Variants in PDE6C observed in about 807,000 individuals in gnomAD.
PDE6C encodes cone cGMP-specific 3',5'-cyclic phosphodiesterase subunit alpha'.
A neutral mutation model predicts 113.1 loss-of-function variants in PDE6C; 75 were observed. The ratio of observed to expected loss-of-function variants is 0.66; its 90% CI spans 0.55 to 0.80. The LOEUF is 0.80. Among genes scored for constraint, PDE6C ranks in the 30% least tolerant of loss-of-function variants. The pLI, the probability that PDE6C is intolerant of heterozygous loss-of-function variation, is 0.00. For synonymous variants in PDE6C, 375 were observed against 363.7 expected (o/e 1.03, Z -0.35); for missense variants, 912 against 1,038.6 (o/e 0.88, Z 1.67).
intron 4 of PDE6C, among the ~76,000 whole-genome samples, chr10:93,624,712 A>G (rs2058465300): frequency 6.6e-6 from 1 of 152,218 alleles, no homozygotes; most frequent in Non-Finnish European, 1.5e-5. Flanking sequence ...CATCAGACAC[A>G]GCTAAAAGCA....
intron 15 of PDE6C, among the ~76,000 whole-genome samples, chr10:93,646,536 C>T (rs753239409): frequency 9.2e-5 from 14 of 152,060 alleles, no homozygotes; most frequent in African/African-American, 1.2e-4. Flanking sequence ...AATTCACTCC[C>T]GGTTCTGCAG....
At chr10:93,645,243 C>T (rs1285555165) in intron 14 of PDE6C, among the ~76,000 whole-genome samples, 1 of 152,182 alleles carries the variant, frequency 6.6e-6, no homozygotes, top group East Asian at 1.9e-4. Flanking sequence ...TATTCCCCAA[C>T]TAAAGTATTT....
chr10:93,662,637 A>T lies in PDE6C; in HGVS notation c.2361A>T (p.Val787=). 1 of 1,313,182 alleles carries T rather than the reference A, an allele frequency of 7.6e-7. No individual in the cohort carries two copies. Among genetic ancestry groups the T allele is most frequent in the East Asian group, 2.3e-5 (1 of 43,470 alleles). 81.3% of individuals were successfully genotyped at this position (1,313,182 alleles called of 1,614,324 possible). ...TTATTGATTTTGTTTGTACTTTTGTATATAAGGTAAGTAAGCAAATTATTT... is the reference window on the plus strand; with the variant it reads ...TTATTGATTTTGTTTGTACTTTTGTTTATAAGGTAAGTAAGCAAATTATTT... ...VGFIDFVCTF[V]YKEFSRFHKE... Residue 787 remains valine, a synonymous_variant, in exon 20 of 22, where the codon GTA becomes GTT. Transcript: ENST00000371447.
At chr10:93,653,918 A>G (rs1016426883) in intron 15 of PDE6C, among the ~76,000 whole-genome samples, 1 of 152,240 alleles carries the variant, frequency 6.6e-6, no homozygotes, top group Non-Finnish European at 1.5e-5. Context: ...GAAGATTTAT[A>G]TAAGGCATAG....
intron 1 of PDE6C, among the ~76,000 whole-genome samples, chr10:93,616,707 G>A (rs532612985): frequency 6.9e-6 from 1 of 143,994 alleles, no homozygotes; most frequent in South Asian, 2.2e-4. Context: ...AGGCTGGAGT[G>A]CAATGGCTTG....
At chr10:93,648,166 A>G (rs760321981) in intron 15 of PDE6C, among the ~76,000 whole-genome samples, 1 of 152,144 alleles carries the variant, frequency 6.6e-6, no homozygotes, top group Non-Finnish European at 1.5e-5. Flanking sequence ...ACAGTTTTCC[A>G]TCTGAATTTT....
At chr10:93,656,147 A>G (rs2058637206) in intron 16 of PDE6C, among the ~76,000 whole-genome samples, 1 of 152,226 alleles carries the variant, frequency 6.6e-6, no homozygotes, top group Non-Finnish European at 1.5e-5. Flanking sequence ...TGAATTGCAG[A>G]ATGTGCAGCC....
At chr10:93,624,440 G>T (rs1443594234) in intron 4 of PDE6C, among the ~76,000 whole-genome samples, 1 of 152,112 alleles carries the variant, frequency 6.6e-6, no homozygotes, top group African/African-American at 2.4e-5. Context: ...ATTTCGCCAC[G>T]TTGGCCAGAC....
At chr10:93,630,607 A>T (rs917439091) in intron 8 of PDE6C, among the ~76,000 whole-genome samples, 1 of 151,960 alleles carries the variant, frequency 6.6e-6, no homozygotes, top group Non-Finnish European at 1.5e-5. Context: ...TAGAGCCCTG[A>T]TCTCAGTCAC....
At chr10:93,657,328 A>ATTTTTTTTTTTTTTTTTTTTTTT (rs71031526) in intron 16 of PDE6C, among the ~76,000 whole-genome samples, 1 of 88,286 alleles carries the variant, frequency 1.1e-5, no homozygotes, top group Non-Finnish European at 2.0e-5. Context: ...CGCCTGGCTA[A>ATTTTTTTTTTTTTTTTTTTTTTT]TTTTTTTTTT....
chr10:93,630,049 C>T (rs1022127288), intron 8 of PDE6C, among the ~76,000 whole-genome samples: 4 of 152,142 alleles, frequency 2.6e-5, no homozygotes, highest in African/African-American at 9.7e-5. Flanking sequence ...TCCTGCTCTC[C>T]TGGTGGTTTT....
chr10:93,624,872 C>A (rs1032839011), intron 4 of PDE6C, among the ~76,000 whole-genome samples: 1 of 152,156 alleles, frequency 6.6e-6, no homozygotes, highest in Non-Finnish European at 1.5e-5. Context: ...GCTGGTGAGG[C>A]CTCCTCTTAT....
chr10:93,649,125 C>T (rs2058597916), intron 15 of PDE6C, among the ~76,000 whole-genome samples: 2 of 152,222 alleles, frequency 1.3e-5, no homozygotes, highest in East Asian at 1.9e-4. Flanking sequence ...ATTCATAGTT[C>T]TATCGCCATT....
At chr10:93,648,215 A>G (rs1222733352) in intron 15 of PDE6C, among the ~76,000 whole-genome samples, 3 of 152,012 alleles carry the variant, frequency 2.0e-5, no homozygotes, top group African/African-American at 7.2e-5. Flanking sequence ...ACTGGCTTTG[A>G]TGGCTATATA....
intron 16 of PDE6C, among the ~76,000 whole-genome samples, chr10:93,657,228 C>T (rs2058642094): frequency 6.6e-6 from 1 of 151,632 alleles, no homozygotes; most frequent in Non-Finnish European, 1.5e-5. Context: ...GTGGCGCAAT[C>T]TCGGCTCACT....
At position 93,627,258 on chromosome 10, in the gene PDE6C, C is replaced by CAAGAA. The variant is rs71031524; in HGVS notation, c.1071+389_1071+390insGAAAA. On this transcript the variant is annotated intron_variant, in intron 7 of 21. Transcript: ENST00000371447. ...GCCTGGGCAACAAAGTGAAACTCCA[C>CAAGAA]AAAAAAAAAAAAAAAAAAAAAAAAG... Among the ~76,000 whole-genome samples, 34 of 52,588 alleles carry CAAGAA rather than the reference C, an allele frequency of 6.5e-4. 1 individual carries two copies. Among genetic ancestry groups the CAAGAA allele is most frequent in the Middle Eastern group, 0.013 (1 of 78 alleles). The allele number at this position is 52,588 out of a possible 152,430, so 34.5% of individuals were successfully genotyped here.
chr10:93,661,545 G>A (rs984340665), intron 18 of PDE6C, among the ~76,000 whole-genome samples: 1 of 152,138 alleles, frequency 6.6e-6, no homozygotes, highest in Admixed American at 6.6e-5. Context: ...CTCTTGGCAA[G>A]CCTGGCTCAT....
At chr10:93,655,673 T>A in intron 15 of PDE6C, 87 bp from the exon 16 acceptor site, 2 of 739,380 alleles carry the variant, frequency 2.7e-6, no homozygotes, top group Non-Finnish European at 4.9e-6. Context: ...GTTGAAAGAC[T>A]TTTAGATTTT....
At chr10:93,664,443 T>C (rs953075221) in intron 21 of PDE6C, among the ~76,000 whole-genome samples, 1 of 152,220 alleles carries the variant, frequency 6.6e-6, no homozygotes, top group Non-Finnish European at 1.5e-5. Flanking sequence ...AAGCTGGTAG[T>C]GCAGGTAGCT....
Sources: gnomAD v4.1 joint callset for allele counts (sites outside exome capture counted in the v4.1 genomes callset) on GRCh38, gnomAD v4.1.1 for gene constraint, MANE v1.5 for transcripts, NCBI Gene and HGNC (gene_info 2026-07-23, HGNC 2026-07-21) for gene names.